Variants in DGKI observed in about 807,000 individuals in gnomAD.
The protein encoded by DGKI is DAG kinase iota.
DGKI carries 55 observed loss-of-function variants against 147.5 expected under a neutral mutation model. The observed-to-expected ratio is 0.37, with a 90% confidence interval of 0.30 to 0.47. The LOEUF (loss-of-function observed/expected upper bound fraction) is 0.47. Ranked by LOEUF, DGKI falls within the 20% of genes least tolerant of loss-of-function variation. The pLI is 1.00. For synonymous variants in DGKI, 469 were observed against 477.1 expected, an observed-to-expected ratio of 0.98 and a Z score of 0.22; for missense variants, 1,007 against 1,323.8, an observed-to-expected ratio of 0.76 and a Z score of 3.71.
chr7:137,471,457 T>C (rs1326306516), intron 23 of DGKI, among the ~76,000 whole-genome samples: 1 of 152,194 alleles, frequency 6.6e-6, no homozygotes, highest in Non-Finnish European at 1.5e-5. Context: ...CAACACTCCC[T>C]GCTGCCCTAC....
At chr7:137,760,230 C>T (rs145665647) in intron 1 of DGKI, among the ~76,000 whole-genome samples, 1 of 152,260 alleles carries the variant, frequency 6.6e-6, no homozygotes, top group Non-Finnish European at 1.5e-5. Context: ...AAGAGCCCTG[C>T]GGGAAGAAAC....
At chr7:137,393,488 G>C (rs1171893396) in intron 32 of DGKI, among the ~76,000 whole-genome samples, 1 of 152,150 alleles carries the variant, frequency 6.6e-6, no homozygotes, top group Non-Finnish European at 1.5e-5. Flanking sequence ...GCCCTGGCAA[G>C]ACCAACCCTA....
intron 24 of DGKI, 91 bp from the exon 25 acceptor site, chr7:137,467,033 C>T (rs1787346280): frequency 2.4e-6 from 3 of 1,242,868 alleles, no homozygotes; most frequent in African/African-American, 1.5e-5. Context: ...TGGTCAAAAC[C>T]CCTACATGGC....
At chr7:137,402,617 C>A (rs953037816) in intron 30 of DGKI, among the ~76,000 whole-genome samples, 2 of 152,090 alleles carry the variant, frequency 1.3e-5, no homozygotes, top group African/African-American at 2.4e-5. Flanking sequence ...ATTTGCTTCC[C>A]ACACCAATGC....
At chr7:137,428,240 G>C (rs1563013312) in intron 28 of DGKI, among the ~76,000 whole-genome samples, 1 of 151,558 alleles carries the variant, frequency 6.6e-6, no homozygotes, top group Non-Finnish European at 1.5e-5. Context: ...TGCAAGGCTG[G>C]TTCAATATAT....
At position 137,466,034 on chromosome 7, in the gene DGKI, T is replaced by A. The variant is rs1293852860; in HGVS notation, c.2486A>T (p.Glu829Val). 1 of 1,613,588 alleles carries A rather than the reference T, an allele frequency of 6.2e-7. No individual in the cohort carries two copies. The highest frequency in any genetic ancestry group is 1.3e-5 in the African/African-American group (1 of 74,924). The change falls in exon 26 of 33, where the codon GAA becomes GTA. Residue 829 changes from glutamate (E) to valine (V), a missense_variant and splice_region_variant. Around this residue, in one of 5 missense-constraint regions of DGKI, gnomAD observed 385 missense variants for 445.2 expected, o/e 0.86. Transcript: ENST00000614521. ...DRFYRIDRSQEHLHFVMEISQ... is the reference protein window; with the variant it reads ...DRFYRIDRSQVHLHFVMEISQ... ...AATCTCCATCACAAAGTGCAAATGT[T>A]CCTAAAGAAGAACAAGAAGTCTGTT...
At chr7:137,506,583 C>T (rs779809728) in intron 21 of DGKI, among the ~76,000 whole-genome samples, 3 of 152,080 alleles carry the variant, frequency 2.0e-5, no homozygotes, top group Non-Finnish European at 2.9e-5. Flanking sequence ...TGAATCCTAA[C>T]GTACACTATG....
In DGKI at chr7:137,759,475, G is replaced by A. The variant is rs1585454325; in HGVS notation, c.402-69473C>T. ...TCTTGCCTCAGCCTCCCGAGTAGCT[G>A]GGATTACAGGCGCCTGCCACCACGC... On this transcript the variant is annotated intron_variant, in intron 1 of 32. Coordinates refer to ENST00000614521, the MANE Select transcript of DGKI (RefSeq NM_001321708.2). Among the ~76,000 whole-genome samples the A allele has an allele frequency of 2.6e-5, 4 of 152,036 alleles. No individual in the cohort carries two copies. In the East Asian group the frequency reaches 7.7e-4, roughly 29 times the overall value.
intron 1 of DGKI, among the ~76,000 whole-genome samples, chr7:137,696,541 C>G (rs955952299): frequency 1.5e-5 from 2 of 131,754 alleles, no homozygotes; most frequent in African/African-American, 5.7e-5. Context: ...GGATTTAATT[C>G]CCAAGTGTAA....
intron 1 of DGKI, among the ~76,000 whole-genome samples, chr7:137,785,226 T>A (rs2116903991): frequency 6.6e-6 from 1 of 151,924 alleles, no homozygotes; most frequent in African/African-American, 2.4e-5. Context: ...TGATAGACCA[T>A]TAGTGAGATT....
intron 1 of DGKI, among the ~76,000 whole-genome samples, chr7:137,797,330 T>C (rs1797062440): frequency 6.6e-6 from 1 of 152,096 alleles, no homozygotes; most frequent in South Asian, 2.1e-4. Context: ...GAAGGAACAC[T>C]TTACAGTAAC....
intron 1 of DGKI, among the ~76,000 whole-genome samples, chr7:137,760,163 TCTC>T (rs1156849452): frequency 2.0e-5 from 3 of 152,068 alleles, no homozygotes. Context: ...CTGCGGGCCC[TCTC>T]CTTTCTTTCC....
At chr7:137,622,203 A>G (rs1024930714) in intron 7 of DGKI, among the ~76,000 whole-genome samples, 1 of 152,166 alleles carries the variant, frequency 6.6e-6, no homozygotes, top group African/African-American at 2.4e-5. Context: ...GAGGCTAGAG[A>G]TATTATTAAG....
chr7:137,663,639 C>T (rs1822524984), intron 3 of DGKI, among the ~76,000 whole-genome samples: 1 of 152,070 alleles, frequency 6.6e-6, no homozygotes, highest in African/African-American at 2.4e-5. Flanking sequence ...GGGTTGCTGG[C>T]AGCCCTCAAA....
Position 137,638,632 on chromosome 7 carries a change from G to GTATATACATA in DGKI, c.804+6839_804+6840insTATGTATATA, listed in dbSNP as rs1563126028. ...TATATACACACACACATATATATGT[G>GTATATACATA]TGTATATATGTGTATGTATATACAC... On this transcript the variant is annotated intron_variant, in intron 6 of 32. Coordinates refer to ENST00000614521, the MANE Select transcript of DGKI (RefSeq NM_001321708.2). Among the ~76,000 whole-genome samples, 6 of 31,486 alleles carry GTATATACATA rather than the reference G, an allele frequency of 1.9e-4. 2 individuals are homozygous for GTATATACATA. The South Asian group carries it at 0.01, about 54-fold the overall frequency. 20.7% of individuals were successfully genotyped at this position (31,486 alleles called of 152,430 possible). A position where few individuals can be genotyped will look rare whatever the true frequency, so the allele number is the denominator to read the frequency against.
At chr7:137,434,529 C>A (rs1386008222) in intron 28 of DGKI, among the ~76,000 whole-genome samples, 2 of 151,824 alleles carry the variant, frequency 1.3e-5, no homozygotes, top group Admixed American at 6.6e-5. Context: ...TGCAGTGAGC[C>A]GAGATTGTGC....
chr7:137,547,182 T>C (rs1817894003), intron 20 of DGKI, among the ~76,000 whole-genome samples: 1 of 152,248 alleles, frequency 6.6e-6, no homozygotes. Flanking sequence ...TAGATAAATC[T>C]GCTTATTACT....
intron 1 of DGKI, among the ~76,000 whole-genome samples, chr7:137,778,707 G>C (rs956861313): frequency 6.6e-6 from 1 of 152,160 alleles, no homozygotes; most frequent in Non-Finnish European, 1.5e-5. Flanking sequence ...TTGCAAGTTT[G>C]CAAATATTTG....
chr7:137,579,603 T>TATTTA (rs1024439787), intron 15 of DGKI, among the ~76,000 whole-genome samples: 1 of 152,110 alleles, frequency 6.6e-6, no homozygotes, highest in Non-Finnish European at 1.5e-5. Flanking sequence ...ATCTTATAGT[T>TATTTA]ATTTAATTTT....
Sources: gnomAD v4.1 joint callset for allele counts (sites outside exome capture counted in the v4.1 genomes callset) on GRCh38, gnomAD v4.1.1 for gene constraint, gnomAD v4.1.1 regional missense constraint, MANE v1.5 for transcripts, NCBI Gene and HGNC (gene_info 2026-07-23, HGNC 2026-07-21) for gene names.